THUMPD2: variants seen among roughly 807,000 people sequenced by gnomAD.
The protein encoded by THUMPD2 is THUMP domain 2 tRNA and snRNA guanosine methyltransferase, also known as U6 snRNA (guanine-N(2))-methyltransferase THUMPD2.
THUMPD2 carries 56 observed loss-of-function variants against 49.4 expected under a neutral mutation model. The observed-to-expected ratio is 1.13, with a 90% CI of 0.91 to 1.41. THUMPD2 has a LOEUF of 1.41. THUMPD2 is among the 40% of genes most tolerant of loss of function. THUMPD2 has a pLI of 0.00. For missense variants in THUMPD2, 709 were observed against 594.5 expected, an observed-to-expected ratio of 1.19 and a Z score of -2.00; for synonymous variants, 237 against 205.2, an observed-to-expected ratio of 1.15 and a Z score of -1.32.
rs768219381 is a variant in THUMPD2 at position 39,736,688 on chromosome 2, A to G, written c.*47T>C. On this transcript the variant is annotated 3_prime_UTR_variant, in exon 10 of 10. Transcript: ENST00000505747. ...CCTAGAGACAGCAAACTTCTGCTGT[A>G]CAGCTAACTTACAAGGGCCTGAACC... The G allele has an allele frequency of 6.5e-7, 1 of 1,533,562 alleles. No individual in the cohort carries two copies. 95.0% of individuals were successfully genotyped at this position (1,533,562 alleles called of 1,614,324 possible). A position where few individuals can be genotyped will look rare whatever the true frequency, so the allele number is the denominator to read the frequency against.
At chr2:39,757,243 C>G in intron 6 of THUMPD2, 1 of 508,486 alleles carries the variant, frequency 2.0e-6, no homozygotes, top group Middle Eastern at 3.4e-4. Context: ...CAAGCAGGAA[C>G]GTACCCCACT....
chr2:39,776,024 G>A (rs1679046877), intron 1 of THUMPD2, among the ~76,000 whole-genome samples: 1 of 152,024 alleles, frequency 6.6e-6, no homozygotes, highest in African/African-American at 2.4e-5. Context: ...GGACTCTTCT[G>A]GTGAACTGAC....
intron 1 of THUMPD2, among the ~76,000 whole-genome samples, chr2:39,774,862 T>C (rs116445943): frequency 6.6e-6 from 1 of 152,170 alleles, no homozygotes; most frequent in African/African-American, 2.4e-5. Flanking sequence ...GTTTTATGTA[T>C]AACACTCCCG....
At chr2:39,740,387 A>C (rs1673740405) in intron 9 of THUMPD2, among the ~76,000 whole-genome samples, 1 of 152,246 alleles carries the variant, frequency 6.6e-6, no homozygotes, top group African/African-American at 2.4e-5. Flanking sequence ...AAGCAATGCT[A>C]CAGTACATTA....
At chr2:39,743,975 A>G (rs1195636850) in intron 9 of THUMPD2, among the ~76,000 whole-genome samples, 2 of 151,912 alleles carry the variant, frequency 1.3e-5, no homozygotes, top group African/African-American at 2.4e-5. Context: ...TGATCATAAG[A>G]AAGTTAATCT....
chr2:39,748,997 C>A (rs1023429143), intron 8 of THUMPD2, among the ~76,000 whole-genome samples: 4 of 150,820 alleles, frequency 2.7e-5, no homozygotes, highest in East Asian at 2.0e-4. Flanking sequence ...AAAAAAAAAA[C>A]AAAACAAAAT....
In THUMPD2 at chr2:39,769,907, T is replaced by C. The variant is rs532588872; in HGVS notation, c.475A>G (p.Arg159Gly). 27 of 1,593,018 alleles carry C rather than the reference T, an allele frequency of 1.7e-5. No individual in the cohort carries two copies. The East Asian group carries it at 5.6e-4, about 33-fold the overall frequency. ...IEQMQKIEEN[R>G]DCQLEKQIKE... ...ATTTGTTTTTCCAGCTGGCAGTCCC[T>C]ATTCTCTTCTATCTTTTGCATTTGT... The change falls in exon 3 of 10, where the codon AGG becomes GGG. Residue 159 changes from arginine to glycine, a missense_variant. By Grantham distance (125) the Arg-to-Gly change is moderately radical (BLOSUM62 -2). Transcript: ENST00000505747.
chr2:39,753,670 G>C (rs1675727455), intron 8 of THUMPD2, among the ~76,000 whole-genome samples: 1 of 152,152 alleles, frequency 6.6e-6, no homozygotes, highest in Non-Finnish European at 1.5e-5. Context: ...TCCTCTAGCT[G>C]CTCAAGCCAG....
chr2:39,752,359 C>T (rs958293409), intron 8 of THUMPD2, among the ~76,000 whole-genome samples: 1 of 152,186 alleles, frequency 6.6e-6, no homozygotes, highest in African/African-American at 2.4e-5. Flanking sequence ...AGGATTTATA[C>T]TTGGTGTGAC....
Position 39,766,039 on chromosome 2 carries a change from G to A in THUMPD2, c.803+18C>T. On this transcript the variant is annotated intron_variant, in intron 5 of 9. Transcript: ENST00000505747. ...ACCATCTGTCTTATGGGACAAACCGGAAGCTTAGAATATCTACCTGAACAC... is the reference window on the plus strand; with the variant it reads ...ACCATCTGTCTTATGGGACAAACCGAAAGCTTAGAATATCTACCTGAACAC... 1 of 1,565,234 alleles carries A rather than the reference G, an allele frequency of 6.4e-7. No individual in the cohort carries two copies. Among genetic ancestry groups the A allele is most frequent in the Non-Finnish European group, 8.6e-7 (1 of 1,160,060 alleles).
chr2:39,762,620 C>T (rs1217819009), intron 5 of THUMPD2, among the ~76,000 whole-genome samples: 2 of 151,644 alleles, frequency 1.3e-5, no homozygotes, highest in Non-Finnish European at 2.9e-5. Context: ...TGTAAACTGG[C>T]AGGTAGAAAC....
chr2:39,769,059 A>C, intron 3 of THUMPD2: 1 of 1,304,560 alleles, frequency 7.7e-7, no homozygotes, highest in Non-Finnish European at 1.0e-6. Context: ...GTGCATTTGC[A>C]GTCTAGGTCC....
At chr2:39,747,217 C>G (rs1674720467) in intron 8 of THUMPD2, among the ~76,000 whole-genome samples, 2 of 152,168 alleles carry the variant, frequency 1.3e-5, no homozygotes, top group South Asian at 4.1e-4. Flanking sequence ...TAAATAACCA[C>G]TATTCTATTT....
At chr2:39,756,707 T>G (rs1017655843) in intron 6 of THUMPD2, among the ~76,000 whole-genome samples, 19 of 152,180 alleles carry the variant, frequency 1.2e-4, no homozygotes, top group African/African-American at 4.1e-4. Flanking sequence ...CGATGCCACG[T>G]GTAAATTCAA....
At chr2:39,768,651 G>T in intron 3 of THUMPD2, 150 bp from the exon 4 acceptor site, 2 of 741,538 alleles carry the variant, frequency 2.7e-6, no homozygotes, top group South Asian at 3.8e-5. Flanking sequence ...GTACATGAAA[G>T]CATTTCCTAT....
At chr2:39,777,841 A>G (rs1313809585) in intron 1 of THUMPD2, among the ~76,000 whole-genome samples, 1 of 152,190 alleles carries the variant, frequency 6.6e-6, no homozygotes, top group Non-Finnish European at 1.5e-5. Context: ...TTTAGAGAAG[A>G]TGGAGAACAA....
chr2:39,764,351 T>C (rs1050790194), intron 5 of THUMPD2, among the ~76,000 whole-genome samples: 3 of 152,196 alleles, frequency 2.0e-5, no homozygotes, highest in Non-Finnish European at 4.4e-5. Flanking sequence ...CAGAGAAATA[T>C]GATAACTTGC....
intron 9 of THUMPD2, among the ~76,000 whole-genome samples, chr2:39,739,811 C>G (rs1381261868): frequency 6.6e-6 from 1 of 152,148 alleles, no homozygotes; most frequent in Non-Finnish European, 1.5e-5. Flanking sequence ...GCCTCTTCTA[C>G]TGAGCAAGGA....
chr2:39,776,491 T>C (rs984956571), intron 1 of THUMPD2, among the ~76,000 whole-genome samples: 3 of 151,658 alleles, frequency 2.0e-5, no homozygotes. Flanking sequence ...CCTCCAAGGT[T>C]CAAGCAATTC....
Sources: gnomAD v4.1 joint callset for allele counts (sites outside exome capture counted in the v4.1 genomes callset) on GRCh38, gnomAD v4.1.1 for gene constraint, MANE v1.5 for transcripts, NCBI Gene and HGNC (gene_info 2026-07-23, HGNC 2026-07-21) for gene names.